AJAP1: variants seen among roughly 807,000 people sequenced by gnomAD.
The protein encoded by AJAP1 is adherens junctions associated protein 1, also known as adherens junction-associated protein 1.
A neutral mutation model predicts 35.0 loss-of-function variants in AJAP1; 5 were observed. The observed-to-expected ratio is 0.14, with a 90% CI of 0.07 to 0.30. The LOEUF is 0.30. Ranked by LOEUF, AJAP1 falls within the 10% of genes least tolerant of loss-of-function variation. The probability of loss-of-function intolerance (pLI) is 1.00; values close to 1 mark genes in which losing one functional copy is unlikely to be tolerated. For synonymous variants in AJAP1, 284 were observed against 249.3 expected, an observed-to-expected ratio of 1.14 and a Z score of -1.31; for missense variants, 586 against 571.0, an observed-to-expected ratio of 1.03 and a Z score of -0.27.
At chr1:4,688,121 T>C (rs1257953006) in intron 1 of AJAP1, among the ~76,000 whole-genome samples, 1 of 152,138 alleles carries the variant, frequency 6.6e-6, no homozygotes, top group Admixed American at 6.5e-5. Flanking sequence ...GAGGCTGGGC[T>C]GTGCTGGACG....
chr1:4,764,277 T>A (rs1329973812), intron 2 of AJAP1, among the ~76,000 whole-genome samples: 1 of 152,222 alleles, frequency 6.6e-6, no homozygotes, highest in Non-Finnish European at 1.5e-5. Flanking sequence ...CACTCCTTTG[T>A]GTCCCTGACA....
At chr1:4,711,300 G>A (rs1258364349) in intron 1 of AJAP1, 3 of 152,306 alleles carry the variant, frequency 2.0e-5, no homozygotes, top group Admixed American at 6.5e-5. Flanking sequence ...GCAAGTGCCT[G>A]GCAGGTGTAG....
intron 2 of AJAP1, among the ~76,000 whole-genome samples, chr1:4,747,641 G>A (rs187294668): frequency 1.5e-4 from 23 of 152,260 alleles, no homozygotes; most frequent in African/African-American, 4.6e-4. Flanking sequence ...TGGAAGGAGT[G>A]GATAGATCAC....
Position 4,684,106 on chromosome 1 carries a change from C to T in AJAP1, c.30-27794C>T, listed in dbSNP as rs375847237. ...CTCTGGGTTGGTGCATCTGGGCTCACCTCAATGGATTTGGAAGATTTAGTT... is the reference window on the plus strand; with the variant it reads ...CTCTGGGTTGGTGCATCTGGGCTCATCTCAATGGATTTGGAAGATTTAGTT... On this transcript the variant is annotated intron_variant, in intron 1 of 5. Coordinates refer to ENST00000378191, the MANE Select transcript of AJAP1 (RefSeq NM_018836.4). Among the ~76,000 whole-genome samples the T allele has an allele frequency of 2.6e-4, 40 of 152,286 alleles. No homozygotes were observed. The East Asian group carries it at 7.7e-3, about 29-fold the overall frequency.
intron 1 of AJAP1, among the ~76,000 whole-genome samples, chr1:4,680,443 A>T (rs576821138): frequency 3.9e-5 from 6 of 152,212 alleles, no homozygotes; most frequent in Admixed American, 6.5e-5. Context: ...GGACATGAAC[A>T]TGGGGGGACA....
intron 5 of AJAP1, among the ~76,000 whole-genome samples, chr1:4,780,058 C>T (rs1487541411): frequency 1.4e-5 from 2 of 143,414 alleles, no homozygotes; most frequent in Admixed American, 1.5e-4. Flanking sequence ...GCAGGAGAAT[C>T]GCTTGAACCC....
intron 1 of AJAP1, among the ~76,000 whole-genome samples, chr1:4,666,211 G>T (rs868172073): frequency 6.6e-6 from 1 of 151,906 alleles, no homozygotes; most frequent in African/African-American, 2.4e-5. Context: ...ACCCAGGAGG[G>T]GCACCCCGCA....
intron 2 of AJAP1, among the ~76,000 whole-genome samples, chr1:4,758,557 C>A (rs1418003832): frequency 6.6e-6 from 1 of 152,096 alleles, no homozygotes; most frequent in Non-Finnish European, 1.5e-5. Context: ...CGTGAGAACT[C>A]ACTACCATGA....
intron 2 of AJAP1, among the ~76,000 whole-genome samples, chr1:4,728,318 G>A (rs1265843055): frequency 2.0e-5 from 3 of 151,998 alleles, no homozygotes; most frequent in Admixed American, 6.6e-5. Context: ...GGGCCCTTCC[G>A]ATGGCATGCT....
intron 2 of AJAP1, among the ~76,000 whole-genome samples, chr1:4,714,088 C>T (rs968751619): frequency 1.3e-5 from 2 of 152,202 alleles, no homozygotes; most frequent in South Asian, 4.1e-4. Flanking sequence ...TCTTCCTTCA[C>T]CTGGACAAGA....
At chr1:4,741,353 A>C (rs927705940) in intron 2 of AJAP1, among the ~76,000 whole-genome samples, 1 of 152,078 alleles carries the variant, frequency 6.6e-6, no homozygotes, top group Non-Finnish European at 1.5e-5. Context: ...GTTCCAGGGG[A>C]GGACCCTTCC....
chr1:4,781,753 C>T (rs116781312), intron 5 of AJAP1, among the ~76,000 whole-genome samples: 2,409 of 152,314 alleles, frequency 0.016, 32 homozygotes, highest in Middle Eastern at 0.078. Flanking sequence ...GGGACCGTGA[C>T]GTGTTCCAGC....
At chr1:4,758,899 G>A (rs1641500957) in intron 2 of AJAP1, among the ~76,000 whole-genome samples, 3 of 152,158 alleles carry the variant, frequency 2.0e-5, no homozygotes, top group Non-Finnish European at 2.9e-5. Flanking sequence ...AGGACAGAGC[G>A]GATCACTCTC....
rs1401674351 is a variant in AJAP1 at position 4,782,077 on chromosome 1, A to AG, written c.*60-467dup. On this transcript the variant is annotated intron_variant, in intron 5 of 5. Coordinates refer to ENST00000378191, the MANE Select transcript of AJAP1 (RefSeq NM_018836.4). This position sits in a 1 kb window ranked among gnomAD's most constrained non-coding sequence, Gnocchi z 5.3. ...CTGCAGCTGAGTAGTGGACAGAAAC[A>AG]GACTCCCATTCTTCCCGCAGCACAG... Among the ~76,000 whole-genome samples the AG allele has an allele frequency of 6.6e-6, 1 of 152,170 alleles. No individual in the cohort carries two copies. Among genetic ancestry groups the AG allele is most frequent in the African/African-American group, 2.4e-5 (1 of 41,438 alleles).
chr1:4,758,920 C>G (rs1641501586), intron 2 of AJAP1, among the ~76,000 whole-genome samples: 2 of 152,208 alleles, frequency 1.3e-5, no homozygotes, highest in Admixed American at 1.3e-4. Context: ...TTGCCCCGAG[C>G]TGGATGCTGG....
intron 1 of AJAP1, among the ~76,000 whole-genome samples, chr1:4,657,711 AGGGGGTGGGGGT>A (rs1173406886): frequency 4.4e-3 from 7 of 1,600 alleles, no homozygotes; most frequent in African/African-American, 0.013. Context: ...CTTGCTGGGC[AGGGGGTGGGGGT>A]GGGGGTGGGG....
At chr1:4,765,129 A>G (rs926315349) in intron 2 of AJAP1, among the ~76,000 whole-genome samples, 5 of 152,220 alleles carry the variant, frequency 3.3e-5, no homozygotes, top group African/African-American at 9.6e-5. Context: ...AATTAGCAGA[A>G]TAACACCTGT....
chr1:4,665,256 A>G (rs1310443823), intron 1 of AJAP1, among the ~76,000 whole-genome samples: 1 of 152,100 alleles, frequency 6.6e-6, no homozygotes, highest in Non-Finnish European at 1.5e-5. Context: ...TTTTTATGAC[A>G]CTGCATTTCA....
intron 2 of AJAP1, among the ~76,000 whole-genome samples, chr1:4,750,733 G>A (rs1288160758): frequency 5.3e-5 from 8 of 151,594 alleles, no homozygotes; most frequent in Non-Finnish European, 1.2e-4. Context: ...GGATGCTGCT[G>A]TCACCTTGGG....
Sources: gnomAD v4.1 joint callset for allele counts (sites outside exome capture counted in the v4.1 genomes callset) on GRCh38, gnomAD v4.1.1 for gene constraint, Gnocchi (gnomAD v3.1) non-coding constraint, MANE v1.5 for transcripts, NCBI Gene and HGNC (gene_info 2026-07-23, HGNC 2026-07-21) for gene names.